Variants in DUSP22 observed in about 807,000 individuals in gnomAD.
DUSP22 encodes dual specificity phosphatase 22.
DUSP22 carries 24 observed loss-of-function variants against 24.5 expected under a neutral mutation model. The ratio of observed to expected loss-of-function variants is 0.98; its 90% CI spans 0.71 to 1.38. The LOEUF is 1.38. DUSP22 is among the 40% of genes most tolerant of loss of function. DUSP22 has a pLI of 0.00. For synonymous variants in DUSP22, 160 were observed against 106.4 expected, an observed-to-expected ratio of 1.50 and a Z score of -3.10; for missense variants, 330 against 269.2, an observed-to-expected ratio of 1.23 and a Z score of -1.58.
intron 3 of DUSP22, among the ~76,000 whole-genome samples, chr6:316,488 A>T (rs1758341448): frequency 6.6e-6 from 1 of 152,302 alleles, no homozygotes; most frequent in South Asian, 2.1e-4. Flanking sequence ...GACGGGTGGG[A>T]GCGGTGTCTT....
intron 3 of DUSP22, among the ~76,000 whole-genome samples, chr6:316,865 GA>G: frequency 6.6e-6 from 1 of 152,304 alleles, no homozygotes; most frequent in Non-Finnish European, 1.5e-5. Context: ...ATCAAGTAGA[GA>G]AAAAATGATT....
In DUSP22 at chr6:310,096, G is replaced by A. The variant is rs1758004274; in HGVS notation, c.56-1784G>A. Among the ~76,000 whole-genome samples the A allele has an allele frequency of 3.9e-5, 6 of 152,306 alleles. No individual in the cohort carries two copies. The South Asian group carries it at 1.2e-3, about 31-fold the overall frequency. On this transcript the variant is annotated intron_variant, in intron 2 of 6. Transcript: ENST00000419235. ...CTACCTCAGCCTCCTGAGTAGTGGG[G>A]TTTACAGGTGCACACCACCACGCCC...
At chr6:319,802 G>A (rs1758510674) in intron 3 of DUSP22, 1 of 152,378 alleles carries the variant, frequency 6.6e-6, no homozygotes, top group Admixed American at 6.5e-5. Context: ...AAACCTCTTT[G>A]AAGCCACCCA....
At chr6:319,123 C>T (rs1286734789) in intron 3 of DUSP22, among the ~76,000 whole-genome samples, 2 of 151,938 alleles carry the variant, frequency 1.3e-5, no homozygotes, top group Non-Finnish European at 2.9e-5. Context: ...ATGATTCCCA[C>T]TTTTTCCTCT....
intron 4 of DUSP22, among the ~76,000 whole-genome samples, chr6:336,562 A>G (rs987289491): frequency 6.6e-6 from 1 of 152,304 alleles, no homozygotes; most frequent in South Asian, 2.1e-4. Flanking sequence ...GGGAAAAAAA[A>G]TAGAGCTGGA....
chr6:300,938 G>GC (rs1421788038), intron 1 of DUSP22, among the ~76,000 whole-genome samples: 1 of 152,310 alleles, frequency 6.6e-6, no homozygotes, highest in Non-Finnish European at 1.5e-5. Context: ...TGGGGCTACC[G>GC]CAAGATGCTG....
Position 349,401 on chromosome 6 carries a change from T to C in DUSP22, c.*450T>C. 9.8e-7 allele frequency: 1 copy of C among 1,021,398 alleles called. No individual in the cohort carries two copies. The highest frequency in any genetic ancestry group is 1.2e-6 in the Non-Finnish European group (1 of 852,206). The allele number at this position is 1,021,398 out of a possible 1,614,324, so 63.3% of individuals were successfully genotyped here. A position where few individuals can be genotyped will look rare whatever the true frequency, so the allele number is the denominator to read the frequency against. The stretch of plus-strand genomic sequence containing the variant: ...GAATTCATATTGCTGCCCGGGTTGG[T>C]GTGGCCACCTTTCCCTTTGTCCAAG... On this transcript the variant is annotated 3_prime_UTR_variant, in exon 7 of 7. Transcript: ENST00000419235.
chr6:323,115 A>G (rs1337119060), intron 3 of DUSP22, among the ~76,000 whole-genome samples: 2 of 152,302 alleles, frequency 1.3e-5, no homozygotes, highest in Admixed American at 6.5e-5. Flanking sequence ...CTGAGAGTGA[A>G]GCAATAGCAC....
chr6:303,611 C>T lies in DUSP22; in HGVS notation c.22-1017C>T, dbSNP rs1757684514. 2.0e-5 allele frequency among the ~76,000 whole-genome samples: 3 copies of T among 152,304 alleles called. No homozygotes were observed. In the South Asian group the frequency reaches 6.2e-4, roughly 31 times the overall value. The stretch of plus-strand genomic sequence containing the variant: ...GACAGTGGGGGCGAGGCTAGGACAT[C>T]TAGGGATCTGTGGTGAAGCGTCACC... On this transcript the variant is annotated intron_variant, in intron 1 of 6. Transcript: ENST00000419235.
chr6:332,928 C>T (rs1485831368), intron 3 of DUSP22, among the ~76,000 whole-genome samples: 1 of 152,298 alleles, frequency 6.6e-6, no homozygotes, highest in African/African-American at 2.4e-5. Context: ...CGACTGCCAA[C>T]TCTCACTTAA....
intron 3 of DUSP22, 90 bp from the exon 4 acceptor site, chr6:335,024 T>C: frequency 1.4e-6 from 2 of 1,413,354 alleles, no homozygotes; most frequent in Non-Finnish European, 1.9e-6. Context: ...TTTTTTTATT[T>C]TTTGACCTGT....
intron 2 of DUSP22, among the ~76,000 whole-genome samples, chr6:308,353 CTT>C (rs1757919448): frequency 6.6e-6 from 1 of 152,306 alleles, no homozygotes; most frequent in Non-Finnish European, 1.5e-5. Flanking sequence ...TGTAGGTCGC[CTT>C]CCAGGACAAC....
At chr6:295,810 A>C (rs1015304550) in intron 1 of DUSP22, among the ~76,000 whole-genome samples, 24 of 152,226 alleles carry the variant, frequency 1.6e-4, no homozygotes, top group Admixed American at 1.4e-3. Flanking sequence ...AAAAAAAAAA[A>C]AAAAAAAACC....
intron 3 of DUSP22, among the ~76,000 whole-genome samples, chr6:322,838 G>C (rs3778600): frequency 6.7e-5 from 10 of 148,464 alleles, no homozygotes; most frequent in Admixed American, 3.3e-4. Context: ...GGTGGGGCGG[G>C]GGGGGGCCTT....
chr6:304,020 C>G (rs1214183722), intron 1 of DUSP22, among the ~76,000 whole-genome samples: 1 of 152,302 alleles, frequency 6.6e-6, no homozygotes, highest in Non-Finnish European at 1.5e-5. Context: ...ATTTAACAAC[C>G]CATTGTTGAC....
chr6:297,388 T>G (rs1481796376), intron 1 of DUSP22, among the ~76,000 whole-genome samples: 4 of 152,312 alleles, frequency 2.6e-5, no homozygotes. Context: ...GACACTTGTT[T>G]GAGGATGGCT....
chr6:342,115 T>G (rs897184526), intron 4 of DUSP22, among the ~76,000 whole-genome samples: 1 of 152,308 alleles, frequency 6.6e-6, no homozygotes, highest in African/African-American at 2.4e-5. Flanking sequence ...CAACTGAATG[T>G]GACCCCAATC....
Position 348,117 on chromosome 6 carries a change from C to G in DUSP22, c.278C>G (p.Ser93Cys), listed in dbSNP as rs141377676. ...TGGCCCCGCAGCCTGGCCGGGGTCT[C>G]CAGGAGCGTGACACTGGTGATCGCA... ...SCLVHCLAGV[S>C]RSVTLVIAYI... Residue 93 changes from serine to cysteine, a missense_variant, in exon 6 of 7, where the codon TCC becomes TGC. Physicochemically the swap from Ser to Cys is moderately radical, Grantham distance 112. Transcript: ENST00000419235. The G allele has an allele frequency of 1.2e-6, 2 of 1,614,264 alleles. No individual in the cohort carries two copies. Among genetic ancestry groups the G allele is most frequent in the South Asian group, 1.1e-5 (1 of 91,092 alleles).
chr6:303,518 C>T (rs1295099244), intron 1 of DUSP22, among the ~76,000 whole-genome samples: 1 of 152,306 alleles, frequency 6.6e-6, no homozygotes, highest in Non-Finnish European at 1.5e-5. Context: ...ACATGAAGAA[C>T]TGTACTACAG....
Sources: allele counts gnomAD v4.1 joint callset (sites outside exome capture counted in the v4.1 genomes callset), GRCh38; gene constraint gnomAD v4.1.1; transcripts MANE v1.5; gene names NCBI Gene and HGNC (gene_info 2026-07-23, HGNC 2026-07-21).